ENPP3: variants seen among roughly 807,000 people sequenced by gnomAD.
ENPP3 encodes ectonucleotide pyrophosphatase/phosphodiesterase 3.
Under a neutral mutation model 117.8 loss-of-function variants are expected in ENPP3, and 104 were observed. The observed-to-expected ratio is 0.88, with a 90% CI of 0.75 to 1.04. The LOEUF (loss-of-function observed/expected upper bound fraction) is 1.04, where lower values mean the gene tolerates loss of function less well. ENPP3 is among the 50% of genes least tolerant of loss of function. The pLI is 0.00. For missense variants in ENPP3, 1,026 were observed against 1,051.9 expected, an observed-to-expected ratio of 0.98 and a Z score of 0.34; for synonymous variants, 380 against 349.9, an observed-to-expected ratio of 1.09 and a Z score of -0.96.
Position 131,718,693 on chromosome 6 carries a change from T to C in ENPP3, c.1434T>C (p.Cys478=), listed in dbSNP as rs773536633. ...LAVRSKSNTN[C]GGGNHGYNNE... ...ATAGGAGTAAATCAAATACAAATTGTGGAGGAGGCAACCATGGTTATAACA... is the reference window on the plus strand; with the variant it reads ...ATAGGAGTAAATCAAATACAAATTGCGGAGGAGGCAACCATGGTTATAACA... The change falls in exon 16 of 25, where the codon TGT becomes TGC. Residue 478 remains cysteine (C), a synonymous_variant. Transcript: ENST00000357639. The C allele has an allele frequency of 8.1e-6, 13 of 1,601,354 alleles. No individual in the cohort carries two copies. The highest frequency in any genetic ancestry group is 8.5e-6 in the Non-Finnish European group (10 of 1,170,036).
chr6:131,697,935 G>A (rs944719322), intron 15 of ENPP3, among the ~76,000 whole-genome samples: 1 of 152,188 alleles, frequency 6.6e-6, no homozygotes, highest in African/African-American at 2.4e-5. Context: ...AAGCCATGGG[G>A]ATGGTGAAAC....
intron 1 of ENPP3, 31 bp from the exon 2 acceptor site, chr6:131,641,424 T>G (rs770945183): frequency 6.7e-7 from 1 of 1,503,278 alleles, no homozygotes; most frequent in Non-Finnish European, 9.2e-7. Context: ...TTTAAAAAAT[T>G]ATAAAAGTTA....
At chr6:131,682,109 A>C (rs991507744) in intron 11 of ENPP3, among the ~76,000 whole-genome samples, 1 of 152,186 alleles carries the variant, frequency 6.6e-6, no homozygotes, top group East Asian at 1.9e-4. Flanking sequence ...TTAGGATTAC[A>C]GGCATGAGCC....
chr6:131,741,049 A>AAC (rs139557301), intron 24 of ENPP3, among the ~76,000 whole-genome samples: 5 of 151,780 alleles, frequency 3.3e-5, no homozygotes, highest in Non-Finnish European at 4.4e-5. Context: ...CACACACACA[A>AAC]ACACACACAC....
rs557375900 is a variant in ENPP3 at position 131,657,134 on chromosome 6, C to T, written c.465-1189C>T. Among the ~76,000 whole-genome samples the T allele has an allele frequency of 4.5e-4, 69 of 152,278 alleles. 1 individual carries two copies. In the South Asian group the frequency reaches 0.013, roughly 29 times the overall value. ...AATTTCTTCATGAATTTTCTGTACA[C>T]TGCAGTTCAAACGGTCCCAGTTTTC... On this transcript the variant is annotated intron_variant, in intron 5 of 24. Coordinates refer to ENST00000357639, the MANE Select transcript of ENPP3 (RefSeq NM_005021.5).
At chr6:131,671,160 T>G in intron 6 of ENPP3, 88 bp from the exon 7 acceptor site, 1 of 790,658 alleles carries the variant, frequency 1.3e-6, no homozygotes, top group Admixed American at 2.1e-5. Context: ...TTTTTATTTT[T>G]CTGAGAGACT....
intron 5 of ENPP3, 141 bp from the exon 6 acceptor site, chr6:131,658,182 T>G: frequency 1.8e-6 from 1 of 558,498 alleles, no homozygotes; most frequent in Non-Finnish European, 3.1e-6. Flanking sequence ...ATTAAAAAAA[T>G]AAAAAATGAC....
intron 6 of ENPP3, among the ~76,000 whole-genome samples, chr6:131,661,677 A>G (rs1176823055): frequency 6.6e-6 from 1 of 152,174 alleles, no homozygotes; most frequent in Non-Finnish European, 1.5e-5. Flanking sequence ...GTCTTTAGAG[A>G]TGCACAATAT....
At position 131,718,719 on chromosome 6, in the gene ENPP3, A is replaced by G. The variant is rs751674155; in HGVS notation, c.1460A>G (p.Asn487Ser). 2 of 1,604,978 alleles carry G rather than the reference A, an allele frequency of 1.2e-6. No individual in the cohort carries two copies. Among genetic ancestry groups the G allele is most frequent in the Non-Finnish European group, 1.7e-6 (2 of 1,174,170 alleles). ...GGAGGAGGCAACCATGGTTATAACA[A>G]TGAGTTTAGGAGCATGGAGGTAACT... ...NCGGGNHGYN[N>S]EFRSMEAIFL... Residue 487 changes from asparagine (N) to serine (S), a missense_variant, in exon 16 of 25, where the codon AAT (asparagine) becomes AGT (serine). Coordinates refer to ENST00000357639, the MANE Select transcript of ENPP3 (RefSeq NM_005021.5).
intron 15 of ENPP3, among the ~76,000 whole-genome samples, chr6:131,699,235 C>CAAAAAA (rs4053087): frequency 2.8e-3 from 306 of 107,588 alleles, no homozygotes; most frequent in South Asian, 5.6e-3. Context: ...AAGACTGTCT[C>CAAAAAA]AAAAAAAAAA....
At chr6:131,649,758 G>A (rs1293385758) in intron 2 of ENPP3, among the ~76,000 whole-genome samples, 1 of 152,080 alleles carries the variant, frequency 6.6e-6, no homozygotes, top group Non-Finnish European at 1.5e-5. Context: ...GTTTTGCCAT[G>A]TTAGCCAGAC....
intron 11 of ENPP3, among the ~76,000 whole-genome samples, chr6:131,679,439 C>A (rs920540399): frequency 3.3e-5 from 5 of 151,600 alleles, no homozygotes; most frequent in Non-Finnish European, 5.9e-5. Context: ...TATGATTTGT[C>A]CTTTGAGAAG....
At chr6:131,737,183 C>T (rs1332623869) in intron 21 of ENPP3, among the ~76,000 whole-genome samples, 172 bp from the exon 22 acceptor site, 1 of 152,142 alleles carries the variant, frequency 6.6e-6, no homozygotes, top group Non-Finnish European at 1.5e-5. Flanking sequence ...ACACTTCAAC[C>T]CACTACAGGC....
Position 131,685,350 on chromosome 6 carries a change from A to AT in ENPP3, c.1121-7dup. The AT allele has an allele frequency of 6.2e-7, 1 of 1,600,106 alleles. No individual in the cohort carries two copies. Among genetic ancestry groups the AT allele is most frequent in the Non-Finnish European group, 8.5e-7 (1 of 1,170,854 alleles). On this transcript the variant is annotated splice_polypyrimidine_tract_variant and intron_variant, in intron 12 of 24. Transcript: ENST00000357639. ...ATACATTCAGTGGGTTATTATGATT[A>AT]TTTTTTTATTCAGGAATGGACCAGA...
At chr6:131,678,986 C>T (rs1267744447) in intron 11 of ENPP3, among the ~76,000 whole-genome samples, 26 of 105,568 alleles carry the variant, frequency 2.5e-4, no homozygotes, top group African/African-American at 1.3e-3. Flanking sequence ...TCCTTCCTTC[C>T]TTCCTTCCTT....
intron 24 of ENPP3, among the ~76,000 whole-genome samples, chr6:131,746,427 T>G (rs1780637240): frequency 1.3e-5 from 2 of 152,142 alleles, no homozygotes; most frequent in South Asian, 2.1e-4. Context: ...TGTATAGTGA[T>G]GTACAGTAAA....
intron 15 of ENPP3, among the ~76,000 whole-genome samples, chr6:131,713,171 T>TG (rs1779823763): frequency 7.7e-6 from 1 of 130,182 alleles, no homozygotes; most frequent in Non-Finnish European, 1.5e-5. Flanking sequence ...CCATGTAAGA[T>TG]GTGCCTTTGC....
In ENPP3 at chr6:131,659,394, T is replaced by C. The variant is rs566907251; in HGVS notation, c.562+974T>C. Among the ~76,000 whole-genome samples, 20 of 152,340 alleles carry C rather than the reference T, an allele frequency of 1.3e-4. No homozygotes were observed. The South Asian group carries it at 4.1e-3, about 32-fold the overall frequency. Reference sequence around the variant, plus strand: ...TAACTCCAAGGCGCACACTCTTCACTGCCCTGCAATTCCTCTCTTTCTTCT... The same window carrying C: ...TAACTCCAAGGCGCACACTCTTCACCGCCCTGCAATTCCTCTCTTTCTTCT... On this transcript the variant is annotated intron_variant, in intron 6 of 24. Coordinates refer to ENST00000357639, the MANE Select transcript of ENPP3 (RefSeq NM_005021.5).
chr6:131,680,680 C>T (rs1223031438), intron 11 of ENPP3, among the ~76,000 whole-genome samples: 1 of 152,166 alleles, frequency 6.6e-6, no homozygotes, highest in African/African-American at 2.4e-5. Context: ...GTTAATATGA[C>T]TTATAAATTG....
Sources: gnomAD v4.1 joint callset for allele counts (sites outside exome capture counted in the v4.1 genomes callset) on GRCh38, gnomAD v4.1.1 for gene constraint, MANE v1.5 for transcripts, NCBI Gene and HGNC (gene_info 2026-07-23, HGNC 2026-07-21) for gene names.